LINGO2: variants seen among roughly 807,000 people sequenced by gnomAD.
The protein encoded by LINGO2 is leucine-rich repeat and immunoglobulin-like domain-containing nogo receptor-interacting protein 2.
Under a neutral mutation model 30.6 loss-of-function variants are expected in LINGO2, and 14 were observed. The observed-to-expected ratio is 0.46, with a 90% confidence interval of 0.30 to 0.72. The LOEUF (loss-of-function observed/expected upper bound fraction) is 0.72. Ranked by LOEUF, LINGO2 falls within the 30% of genes least tolerant of loss-of-function variation. The pLI is 0.07. For missense variants in LINGO2, 729 were observed against 751.7 expected (o/e 0.97, Z 0.35); for synonymous variants, 317 against 288.5 (o/e 1.10, Z -1.00).
chr9:28,836,517 T>C, the LINGO2 span, among the ~76,000 whole-genome samples: 1 of 152,132 alleles, frequency 6.6e-6, no homozygotes, highest in Admixed American at 6.5e-5. Context: ...GGTTTCTCCA[T>C]GTTGGTCAGG....
At chr9:28,176,136 A>T (rs1351262740) in intron 4 of LINGO2, among the ~76,000 whole-genome samples, 2 of 152,138 alleles carry the variant, frequency 1.3e-5, no homozygotes, top group Non-Finnish European at 2.9e-5. Flanking sequence ...CTTCAAACCT[A>T]CCTTGTAAGC....
the LINGO2 span, among the ~76,000 whole-genome samples, chr9:28,721,588 T>C: frequency 6.6e-6 from 1 of 152,074 alleles, no homozygotes; most frequent in Non-Finnish European, 1.5e-5. Flanking sequence ...ATGTTCTCAC[T>C]CATAAGTGGA....
intron 4 of LINGO2, among the ~76,000 whole-genome samples, chr9:28,134,911 G>A (rs1364082046): frequency 6.6e-6 from 1 of 152,102 alleles, no homozygotes; most frequent in Non-Finnish European, 1.5e-5. Flanking sequence ...ACACAGATAA[G>A]CTCAGACGCT....
the LINGO2 span, among the ~76,000 whole-genome samples, chr9:29,072,690 C>T: frequency 6.7e-6 from 1 of 150,114 alleles, no homozygotes; most frequent in South Asian, 2.1e-4. Flanking sequence ...CCCCTCTTAT[C>T]ATCACATCTC....
chr9:28,840,060 G>A, the LINGO2 span, among the ~76,000 whole-genome samples: 1 of 149,514 alleles, frequency 6.7e-6, no homozygotes, highest in Non-Finnish European at 1.5e-5. Context: ...ACCCTGCTCT[G>A]AAACTGGAGC....
At chr9:28,195,176 G>A (rs1819965331) in intron 4 of LINGO2, among the ~76,000 whole-genome samples, 1 of 151,906 alleles carries the variant, frequency 6.6e-6, no homozygotes, top group African/African-American at 2.4e-5. Context: ...GACAGTAACA[G>A]TGGACACCTA....
At chr9:29,067,420 T>C in the LINGO2 span, among the ~76,000 whole-genome samples, 6 of 151,706 alleles carry the variant, frequency 4.0e-5, no homozygotes, top group East Asian at 1.9e-4. Context: ...TATTAACCTA[T>C]TAAACTCTTA....
chr9:28,338,147 C>A (rs111820591), intron 3 of LINGO2, among the ~76,000 whole-genome samples: 3,411 of 152,264 alleles, frequency 0.022, 106 homozygotes, highest in African/African-American at 0.077. Context: ...GCACCTCATG[C>A]AAGCCCACCT....
intron 4 of LINGO2, among the ~76,000 whole-genome samples, chr9:28,239,501 T>C (rs1821701078): frequency 6.6e-6 from 1 of 152,140 alleles, no homozygotes; most frequent in East Asian, 1.9e-4. Context: ...TCAATCACTG[T>C]GAAACATCAT....
At chr9:27,976,749 G>A (rs1395931710) in intron 5 of LINGO2, among the ~76,000 whole-genome samples, 1 of 151,974 alleles carries the variant, frequency 6.6e-6, no homozygotes, top group Non-Finnish European at 1.5e-5. Flanking sequence ...AAGAAATTAA[G>A]TTTTAGGAAG....
the LINGO2 span, among the ~76,000 whole-genome samples, chr9:29,055,177 C>G: frequency 6.6e-6 from 1 of 151,502 alleles, no homozygotes; most frequent in Non-Finnish European, 1.5e-5. Flanking sequence ...CGAGATCATG[C>G]CACTGCACTC....
At chr9:28,757,113 C>G in the LINGO2 span, among the ~76,000 whole-genome samples, 19 of 151,894 alleles carry the variant, frequency 1.3e-4, no homozygotes, top group African/African-American at 4.4e-4. Context: ...TCTATAAATC[C>G]TATAAATGAC....
chr9:28,320,515 T>C lies in LINGO2; in HGVS notation c.-245-25149A>G, dbSNP rs563613762. Among the ~76,000 whole-genome samples, 15 of 152,292 alleles carry C rather than the reference T, an allele frequency of 9.8e-5. No homozygotes were observed. In the East Asian group the frequency reaches 2.1e-3, roughly 22 times the overall value. ...CTCTTAGGCTCTGGAGAAATAGTTATATGGCATTAGACTTACTTATGAATT... is the reference window on the plus strand; with the variant it reads ...CTCTTAGGCTCTGGAGAAATAGTTACATGGCATTAGACTTACTTATGAATT... On this transcript the variant is annotated intron_variant, in intron 3 of 5. Transcript: ENST00000379992.
At chr9:27,983,347 A>T (rs1820971734) in intron 5 of LINGO2, among the ~76,000 whole-genome samples, 1 of 151,874 alleles carries the variant, frequency 6.6e-6, no homozygotes, top group East Asian at 1.9e-4. Context: ...AATCATTTGA[A>T]GTAGGTGGGA....
chr9:28,125,438 AC>A lies in LINGO2; in HGVS notation c.-86-113034del, dbSNP rs1827209716. Among the ~76,000 whole-genome samples the A allele has an allele frequency of 2.0e-5, 3 of 152,334 alleles. No homozygotes were observed. The South Asian group carries it at 6.2e-4, about 32-fold the overall frequency. ...AGCATACATAAAAACTTCTTTTAGC[AC>A]ATTAATTTATGGAATATTTTAGTGG... is the stretch of plus-strand genomic sequence containing the variant. On this transcript the variant is annotated intron_variant, in intron 4 of 5. Transcript: ENST00000379992.
chr9:28,628,462 G>A (rs1826786966), intron 1 of LINGO2, among the ~76,000 whole-genome samples: 2 of 152,030 alleles, frequency 1.3e-5, no homozygotes, highest in African/African-American at 4.8e-5. Flanking sequence ...TATGCCGGGT[G>A]CGTATAGTGT....
chr9:28,926,488 G>C, the LINGO2 span, among the ~76,000 whole-genome samples: 1 of 151,908 alleles, frequency 6.6e-6, no homozygotes, highest in Non-Finnish European at 1.5e-5. Context: ...ATGCTGACAT[G>C]ACAAAGATAT....
the LINGO2 span, among the ~76,000 whole-genome samples, chr9:28,780,898 G>A: frequency 6.6e-6 from 1 of 151,030 alleles, no homozygotes; most frequent in African/African-American, 2.5e-5. Flanking sequence ...AAATATATAT[G>A]AGACCAGATT....
chr9:28,989,567 A>T, the LINGO2 span, among the ~76,000 whole-genome samples: 2 of 152,154 alleles, frequency 1.3e-5, no homozygotes, highest in African/African-American at 2.4e-5. Context: ...TTAGGCAGTC[A>T]CTTAACCTTT....
Sources: allele counts gnomAD v4.1 joint callset (sites outside exome capture counted in the v4.1 genomes callset), GRCh38; gene constraint gnomAD v4.1.1; transcripts MANE v1.5; gene names NCBI Gene and HGNC (gene_info 2026-07-23, HGNC 2026-07-21).